The following TECRL variants were observed in gnomAD, a reference collection of about 807,000 sequenced individuals.
The protein encoded by TECRL is trans-2,3-enoyl-CoA reductase like, also known as trans-2,3-enoyl-CoA reductase-like.
A neutral mutation model predicts 52.8 loss-of-function variants in TECRL; 63 were observed. The observed-to-expected ratio is 1.19, with a 90% CI of 0.97 to 1.47. The LOEUF is 1.47. TECRL is among the 40% of genes most tolerant of loss of function. TECRL has a pLI of 0.00. For missense variants in TECRL, 482 were observed against 429.6 expected, an observed-to-expected ratio of 1.12 and a Z score of -1.08; for synonymous variants, 164 against 141.9, an observed-to-expected ratio of 1.16 and a Z score of -1.10.
chr4:64,300,966 CT>C (rs1723985900), intron 7 of TECRL, among the ~76,000 whole-genome samples: 1 of 150,764 alleles, frequency 6.6e-6, no homozygotes, highest in African/African-American at 2.4e-5. Flanking sequence ...ACGTATAAAT[CT>C]TTTACTAAAT....
intron 7 of TECRL, among the ~76,000 whole-genome samples, chr4:64,303,673 T>C (rs1457571829): frequency 6.6e-6 from 1 of 151,788 alleles, no homozygotes; most frequent in Non-Finnish European, 1.5e-5. Flanking sequence ...ATTTACCTAA[T>C]AGGAAGCCTT....
At chr4:64,318,462 T>G (rs910696031) in intron 4 of TECRL, among the ~76,000 whole-genome samples, 5 of 152,040 alleles carry the variant, frequency 3.3e-5, no homozygotes, top group Non-Finnish European at 7.4e-5. Flanking sequence ...TATGCATGTG[T>G]GTGTGTGCGC....
intron 4 of TECRL, among the ~76,000 whole-genome samples, chr4:64,319,515 C>T (rs1371739906): frequency 1.3e-5 from 2 of 151,668 alleles, no homozygotes; most frequent in African/African-American, 2.4e-5. Flanking sequence ...GATGAAAAGA[C>T]AAGTTAAAGA....
At chr4:64,365,862 C>T (rs1261698777) in intron 2 of TECRL, among the ~76,000 whole-genome samples, 2 of 151,952 alleles carry the variant, frequency 1.3e-5, no homozygotes, top group Non-Finnish European at 2.9e-5. Context: ...CATGTTTTCA[C>T]AGAATTAGAA....
intron 4 of TECRL, 113 bp from the exon 5 acceptor site, chr4:64,314,876 G>T: frequency 2.7e-6 from 2 of 736,670 alleles, no homozygotes; most frequent in Non-Finnish European, 4.7e-6. Context: ...TAGATTTTTT[G>T]TAACTAGATT....
chr4:64,348,147 A>G (rs1720122661), intron 2 of TECRL, among the ~76,000 whole-genome samples: 1 of 152,152 alleles, frequency 6.6e-6, no homozygotes, highest in Non-Finnish European at 1.5e-5. Context: ...TTTATGAACA[A>G]AGGAGCTTTC....
In TECRL at chr4:64,356,368, C is replaced by T. The variant is rs564083045; in HGVS notation, c.286+18804G>A. ...AGTTGAGATAGAGGAAGGCCACTGT[C>T]TCTTGCCTGCCCCTGGGAACTGAAT... On this transcript the variant is annotated intron_variant, in intron 2 of 11. Transcript: ENST00000381210. 1.4e-3 allele frequency among the ~76,000 whole-genome samples: 209 copies of T among 151,980 alleles called. 1 individual carries two copies. Among genetic ancestry groups the T allele is most frequent in the Non-Finnish European group, 2.6e-3 (177 of 68,008 alleles).
At chr4:64,314,573 C>T in intron 5 of TECRL, 75 bp downstream of exon 5, 2 of 1,105,652 alleles carry the variant, frequency 1.8e-6, no homozygotes, top group Non-Finnish European at 1.4e-6. Flanking sequence ...CTAGTTCATC[C>T]CCTCCTTAAC....
At chr4:64,353,226 C>G (rs1720522742) in intron 2 of TECRL, among the ~76,000 whole-genome samples, 1 of 152,050 alleles carries the variant, frequency 6.6e-6, no homozygotes. Flanking sequence ...AAATACCATG[C>G]TGTTAAAGTA....
At chr4:64,334,667 G>A (rs551566999) in intron 2 of TECRL, among the ~76,000 whole-genome samples, 1 of 152,184 alleles carries the variant, frequency 6.6e-6, no homozygotes, top group African/African-American at 2.4e-5. Flanking sequence ...GTTTCTATAG[G>A]AAAACAAAGA....
At chr4:64,398,031 A>G (rs1724081052) in intron 1 of TECRL, among the ~76,000 whole-genome samples, 1 of 85,738 alleles carries the variant, frequency 1.2e-5, no homozygotes, top group Admixed American at 1.1e-4. Flanking sequence ...TATATTAAAA[A>G]GTAATTATCT....
intron 2 of TECRL, among the ~76,000 whole-genome samples, chr4:64,347,204 A>T (rs1720051514): frequency 6.6e-6 from 1 of 152,170 alleles, no homozygotes; most frequent in Non-Finnish European, 1.5e-5. Context: ...GTGCAAAATA[A>T]TCCATCATTC....
intron 9 of TECRL, among the ~76,000 whole-genome samples, chr4:64,285,526 C>T (rs925601247): frequency 2.6e-5 from 4 of 152,186 alleles, no homozygotes; most frequent in African/African-American, 7.2e-5. Flanking sequence ...TTACAACAAA[C>T]TCCAATTAAT....
chr4:64,396,080 G>T (rs1723929684), intron 1 of TECRL, among the ~76,000 whole-genome samples: 1 of 152,060 alleles, frequency 6.6e-6, no homozygotes, highest in Admixed American at 6.6e-5. Flanking sequence ...TCACTGATGG[G>T]CATTTAGGTT....
chr4:64,388,814 TATAA>T (rs1453682095), intron 1 of TECRL, among the ~76,000 whole-genome samples: 1 of 151,908 alleles, frequency 6.6e-6, no homozygotes, highest in Non-Finnish European at 1.5e-5. Context: ...AATAAATAAA[TATAA>T]ATAATGTGAA....
intron 4 of TECRL, among the ~76,000 whole-genome samples, chr4:64,320,015 C>T (rs907546595): frequency 6.6e-6 from 1 of 151,914 alleles, no homozygotes; most frequent in Admixed American, 6.6e-5. Flanking sequence ...TCTATCTTGA[C>T]ATTGGTGTTA....
intron 5 of TECRL, among the ~76,000 whole-genome samples, chr4:64,312,766 C>CTCA (rs1553910594): frequency 7.0e-6 from 1 of 143,658 alleles, no homozygotes; most frequent in Non-Finnish European, 1.5e-5. Flanking sequence ...GACCCTCTCT[C>CTCA]AAAAAAAAAA....
At chr4:64,299,173 A>G (rs1023189180) in intron 8 of TECRL, 3 of 151,230 alleles carry the variant, frequency 2.0e-5, no homozygotes, top group Admixed American at 1.3e-4. Flanking sequence ...ACTCTTAACT[A>G]AAGATATGTA....
chr4:64,357,602 G>A (rs1478137295), intron 2 of TECRL, among the ~76,000 whole-genome samples: 1 of 64,806 alleles, frequency 1.5e-5, no homozygotes, highest in Non-Finnish European at 5.6e-5. Flanking sequence ...TTAAAACTAT[G>A]AAAAGAAAAG....
Sources: gnomAD v4.1 joint callset for allele counts (sites outside exome capture counted in the v4.1 genomes callset) on GRCh38, gnomAD v4.1.1 for gene constraint, MANE v1.5 for transcripts, NCBI Gene and HGNC (gene_info 2026-07-23, HGNC 2026-07-21) for gene names.